CDKAL1: variants seen among roughly 807,000 people sequenced by gnomAD.
CDKAL1 encodes CDKAL1 threonylcarbamoyladenosine tRNA methylthiotransferase, also known as threonylcarbamoyladenosine tRNA methylthiotransferase.
CDKAL1 carries 32 observed loss-of-function variants against 68.2 expected under a neutral mutation model. That is an observed-to-expected ratio of 0.47 (90% CI 0.35 to 0.63). The LOEUF (loss-of-function observed/expected upper bound fraction) is 0.63, where lower values mean the gene tolerates loss of function less well. Among genes scored for constraint, CDKAL1 ranks in the 30% least tolerant of loss-of-function variants. The probability of loss-of-function intolerance (pLI) is 0.00; values close to 1 mark genes in which losing one functional copy is unlikely to be tolerated. For synonymous variants in CDKAL1, 234 were observed against 244.3 expected, an observed-to-expected ratio of 0.96 and a Z score of 0.39; for missense variants, 606 against 696.7, an observed-to-expected ratio of 0.87 and a Z score of 1.47.
intron 12 of CDKAL1, among the ~76,000 whole-genome samples, chr6:21,067,593 C>T (rs888535028): frequency 5.9e-5 from 9 of 152,134 alleles, no homozygotes; most frequent in Middle Eastern, 6.8e-3. Context: ...CCAGCCTGGG[C>T]GACAGAGCAA....
intron 11 of CDKAL1, among the ~76,000 whole-genome samples, chr6:21,060,110 A>G (rs559469917): frequency 6.8e-6 from 1 of 147,886 alleles, no homozygotes; most frequent in Non-Finnish European, 1.5e-5. Context: ...CATAGAATTG[A>G]TTTTATCATT....
At chr6:20,720,449 T>C (rs1228638348) in intron 5 of CDKAL1, among the ~76,000 whole-genome samples, 1 of 152,178 alleles carries the variant, frequency 6.6e-6, no homozygotes, top group Non-Finnish European at 1.5e-5. Context: ...TCTGTGTTCT[T>C]ACCCTTTAAG....
At chr6:20,534,897 A>G (rs191016192) in intron 1 of CDKAL1, among the ~76,000 whole-genome samples, 161 of 152,332 alleles carry the variant, frequency 1.1e-3, no homozygotes, top group Non-Finnish European at 1.8e-3. Context: ...TCGCAGTTAT[A>G]TAGCTTTCCC....
intron 9 of CDKAL1, among the ~76,000 whole-genome samples, chr6:20,925,825 C>T (rs149420978): frequency 6.6e-6 from 1 of 152,192 alleles, no homozygotes; most frequent in Non-Finnish European, 1.5e-5. Flanking sequence ...GTGACATTTT[C>T]AACACTATTA....
At position 20,748,613 on chromosome 6, in the gene CDKAL1, A is replaced by G. The variant is rs912216017; in HGVS notation, c.468+8998A>G. Among the ~76,000 whole-genome samples, 40 of 148,682 alleles carry G rather than the reference A, an allele frequency of 2.7e-4. No individual in the cohort carries two copies. In the Admixed American group the frequency reaches 2.7e-3, roughly 10 times the overall value. ...AAAAAAAAGCTATAGTAATCAAAACAGTATGGTACTGGCATAAAAATAGAC... is the reference window on the plus strand; with the variant it reads ...AAAAAAAAGCTATAGTAATCAAAACGGTATGGTACTGGCATAAAAATAGAC... On this transcript the variant is annotated intron_variant, in intron 6 of 15. Transcript: ENST00000274695.
chr6:21,019,387 C>T (rs906530521), intron 11 of CDKAL1, among the ~76,000 whole-genome samples: 2 of 152,068 alleles, frequency 1.3e-5, no homozygotes, highest in African/African-American at 4.8e-5. Flanking sequence ...TACAGTTGCC[C>T]ATTTGTTACG....
chr6:20,765,717 C>T (rs1484558637), intron 7 of CDKAL1, among the ~76,000 whole-genome samples: 4 of 152,036 alleles, frequency 2.6e-5, no homozygotes, highest in Non-Finnish European at 5.9e-5. Context: ...TATGATAAGA[C>T]TTTTAGTTGA....
At chr6:20,802,514 A>C in intron 8 of CDKAL1, among the ~76,000 whole-genome samples, 1 of 152,028 alleles carries the variant, frequency 6.6e-6, no homozygotes, top group East Asian at 1.9e-4. Flanking sequence ...AAATATATAT[A>C]TTTTGGAGAT....
At chr6:20,838,401 A>G (rs1778044917) in intron 8 of CDKAL1, among the ~76,000 whole-genome samples, 1 of 152,098 alleles carries the variant, frequency 6.6e-6, no homozygotes, top group South Asian at 2.1e-4. Context: ...TTATTTGACA[A>G]TTACAGCTGT....
At chr6:21,052,945 GTCTTC>G (rs1770622352) in intron 11 of CDKAL1, among the ~76,000 whole-genome samples, 1 of 152,170 alleles carries the variant, frequency 6.6e-6, no homozygotes, top group Admixed American at 6.5e-5. Context: ...CATGCTATCT[GTCTTC>G]AGAAAGGTAT....
intron 5 of CDKAL1, among the ~76,000 whole-genome samples, chr6:20,655,783 A>T (rs1283567545): frequency 1.3e-5 from 2 of 152,166 alleles, no homozygotes; most frequent in African/African-American, 4.8e-5. Context: ...TACACATTCC[A>T]CGTTGTCCAA....
chr6:20,778,553 T>C (rs1775277044), intron 7 of CDKAL1, among the ~76,000 whole-genome samples: 1 of 152,180 alleles, frequency 6.6e-6, no homozygotes, highest in African/African-American at 2.4e-5. Flanking sequence ...CATGCAACCA[T>C]GGAGGCTGAG....
chr6:20,848,072 G>A (rs1199815693), intron 9 of CDKAL1, among the ~76,000 whole-genome samples: 1 of 152,188 alleles, frequency 6.6e-6, no homozygotes, highest in East Asian at 1.9e-4. Context: ...CTGAAGTGCA[G>A]TTACAAAGTT....
chr6:20,570,888 A>T (rs1008952422), intron 4 of CDKAL1, among the ~76,000 whole-genome samples: 1 of 152,092 alleles, frequency 6.6e-6, no homozygotes, highest in African/African-American at 2.4e-5. Flanking sequence ...CAATATCTTT[A>T]TTGTGGTAAG....
At chr6:20,682,877 G>C (rs1770445945) in intron 5 of CDKAL1, among the ~76,000 whole-genome samples, 1 of 151,524 alleles carries the variant, frequency 6.6e-6, no homozygotes, top group Non-Finnish European at 1.5e-5. Flanking sequence ...CCTCTCAGAT[G>C]CTTACTGAAT....
At chr6:20,609,585 G>A (rs1293834996) in intron 4 of CDKAL1, among the ~76,000 whole-genome samples, 1 of 151,452 alleles carries the variant, frequency 6.6e-6, no homozygotes, top group Non-Finnish European at 1.5e-5. Context: ...TAGTAGAGAT[G>A]GGGTTTCACC....
chr6:20,609,682 A>C (rs1467794259), intron 4 of CDKAL1, among the ~76,000 whole-genome samples: 1 of 151,842 alleles, frequency 6.6e-6, no homozygotes, highest in South Asian at 2.1e-4. Context: ...ATTCATCTTA[A>C]TGTTCTCCTT....
chr6:21,084,268 A>G (rs1376840864), intron 12 of CDKAL1, among the ~76,000 whole-genome samples: 1 of 152,212 alleles, frequency 6.6e-6, no homozygotes, highest in Non-Finnish European at 1.5e-5. Context: ...TCCTTAGACT[A>G]TATTTTTAAA....
At chr6:20,848,282 T>TG (rs1561828389) in intron 9 of CDKAL1, among the ~76,000 whole-genome samples, 11 of 111,250 alleles carry the variant, frequency 9.9e-5, no homozygotes, top group Non-Finnish European at 2.0e-4. Flanking sequence ...GAAAGTTGTT[T>TG]TTTTTTTTTT....
Sources: allele counts gnomAD v4.1 joint callset (sites outside exome capture counted in the v4.1 genomes callset), GRCh38; gene constraint gnomAD v4.1.1; transcripts MANE v1.5; gene names NCBI Gene and HGNC (gene_info 2026-07-23, HGNC 2026-07-21).